The following SPATA6 variants were observed in gnomAD, a reference collection of about 807,000 sequenced individuals.
SPATA6 encodes the protein spermatogenesis-associated protein 6.
Under a neutral mutation model 65.3 loss-of-function variants are expected in SPATA6, and 56 were observed. That is an observed-to-expected ratio of 0.86 (90% confidence interval 0.69 to 1.07). The LOEUF (loss-of-function observed/expected upper bound fraction) is 1.07. SPATA6 is among the 50% of genes least tolerant of loss of function. The probability of loss-of-function intolerance (pLI) is 0.00; values close to 1 mark genes in which losing one functional copy is unlikely to be tolerated. For synonymous variants in SPATA6, 199 were observed against 213.2 expected, an observed-to-expected ratio of 0.93 and a Z score of 0.58; for missense variants, 590 against 594.8, an observed-to-expected ratio of 0.99 and a Z score of 0.08.
chr1:48,290,385 C>T (rs1569941220), downstream of SPATA6, among the ~76,000 whole-genome samples: 1 of 152,190 alleles, frequency 6.6e-6, no homozygotes, highest in East Asian at 1.9e-4. Flanking sequence ...GTACCAGCCA[C>T]TGCAAAAATA....
Position 48,359,748 on chromosome 1 carries a change from C to A in SPATA6, c.932G>T (p.Arg311Ile). The A allele has an allele frequency of 6.2e-7, 1 of 1,612,772 alleles. No individual in the cohort carries two copies. The highest frequency in any genetic ancestry group is 1.7e-4 in the Middle Eastern group (1 of 5,798). Reference sequence around the variant, plus strand: ...TTTTTCTAAAGAGTCATCGAAGTCTCTCCCATGGGGTGTCCTGATAACCTG... The same window carrying A: ...TTTTTCTAAAGAGTCATCGAAGTCTATCCCATGGGGTGTCCTGATAACCTG... ...DYKVIRTPHG[R>I]DFDDSLEKCE... Residue 311 changes from arginine to isoleucine, a missense_variant, in exon 10 of 13, where the codon AGA (arginine) becomes ATA (isoleucine). Arg to Ile is a moderately conservative substitution (Grantham distance 97, BLOSUM62 -3). Transcript: ENST00000371847.
intron 3 of SPATA6, among the ~76,000 whole-genome samples, chr1:48,415,340 T>C (rs745647147): frequency 1.1e-4 from 17 of 152,198 alleles, no homozygotes; most frequent in Admixed American, 2.0e-4. Flanking sequence ...TCTTTTATGA[T>C]AGTTTTGTTA....
At chr1:48,325,249 T>A in intron 11 of SPATA6, 1 of 805,788 alleles carries the variant, frequency 1.2e-6, no homozygotes, top group Non-Finnish European at 2.1e-6. Context: ...GGGCAAGGTT[T>A]GGATATGGCA....
chr1:48,326,904 A>C (rs2148718268), intron 11 of SPATA6, among the ~76,000 whole-genome samples: 1 of 152,324 alleles, frequency 6.6e-6, no homozygotes, highest in African/African-American at 2.4e-5. Context: ...AAAGCCTGGA[A>C]GAAAACCTAG....
chr1:48,415,161 G>A (rs1452763084), intron 3 of SPATA6, among the ~76,000 whole-genome samples: 1 of 151,068 alleles, frequency 6.6e-6, no homozygotes. Context: ...GGGAATGTGA[G>A]GAAAATTACA....
chr1:48,447,820 C>CA (rs1268270973), intron 3 of SPATA6: 1 of 151,360 alleles, frequency 6.6e-6, no homozygotes, highest in Non-Finnish European at 1.5e-5. Context: ...GAAATCAAAC[C>CA]AAAAAAATTA....
chr1:48,316,342 C>T (rs1298369666), intron 11 of SPATA6, among the ~76,000 whole-genome samples: 7 of 152,166 alleles, frequency 4.6e-5, no homozygotes, highest in African/African-American at 7.2e-5. Context: ...GAGATATAGA[C>T]CAATGGAACA....
chr1:48,459,745 A>T lies in SPATA6; in HGVS notation c.52-6614T>A, dbSNP rs951256182. Among the ~76,000 whole-genome samples the T allele has an allele frequency of 2.6e-5, 4 of 152,270 alleles. No homozygotes were observed. In the East Asian group the frequency reaches 5.8e-4, roughly 22 times the overall value. Reference sequence around the variant, plus strand: ...TCTCAATCAACATAAAAGGACATAAATTTTTTTAAAAAATCATGCAGAGTA... The same window carrying T: ...TCTCAATCAACATAAAAGGACATAATTTTTTTTAAAAAATCATGCAGAGTA... On this transcript the variant is annotated intron_variant, in intron 1 of 12. Coordinates refer to ENST00000371847, the MANE Select transcript of SPATA6 (RefSeq NM_019073.4).
At chr1:48,328,463 G>A (rs1645826925) in intron 11 of SPATA6, among the ~76,000 whole-genome samples, 1 of 151,954 alleles carries the variant, frequency 6.6e-6, no homozygotes, top group Non-Finnish European at 1.5e-5. Context: ...CTACAACCTG[G>A]GCAAGCCTTT....
In SPATA6 at chr1:48,359,753, A is replaced by C. The variant is rs553546341; in HGVS notation, c.927T>G (p.His309Gln). The C allele has an allele frequency of 6.2e-7, 1 of 1,612,166 alleles. No individual in the cohort carries two copies. The highest frequency in any genetic ancestry group is 1.1e-5 in the South Asian group (1 of 90,910). Reference protein sequence around the residue: ...PKDYKVIRTPHGRDFDDSLEK... With the variant: ...PKDYKVIRTPQGRDFDDSLEK... Reference sequence around the variant, plus strand: ...CTAAAGAGTCATCGAAGTCTCTCCCATGGGGTGTCCTGATAACCTGTTTTA... The same window carrying C: ...CTAAAGAGTCATCGAAGTCTCTCCCCTGGGGTGTCCTGATAACCTGTTTTA... The change falls in exon 10 of 13, where the codon CAT becomes CAG. Residue 309 changes from histidine to glutamine, a missense_variant. Transcript: ENST00000371847.
downstream of SPATA6, among the ~76,000 whole-genome samples, chr1:48,292,359 C>T (rs1644773503): frequency 6.6e-6 from 1 of 152,216 alleles, no homozygotes; most frequent in Non-Finnish European, 1.5e-5. Context: ...CAACATTTGG[C>T]AACTATGTTG....
intron 11 of SPATA6, among the ~76,000 whole-genome samples, chr1:48,320,243 G>A (rs1418493520): frequency 1.3e-5 from 2 of 152,090 alleles, no homozygotes; most frequent in Non-Finnish European, 2.9e-5. Flanking sequence ...TAAAGATATT[G>A]GTAATCAAGT....
intron 5 of SPATA6, among the ~76,000 whole-genome samples, chr1:48,408,130 T>C (rs1243414396): frequency 6.6e-6 from 1 of 152,220 alleles, no homozygotes; most frequent in African/African-American, 2.4e-5. Flanking sequence ...GAAGCTGCTT[T>C]TTCTTGGAAT....
At chr1:48,330,688 C>G (rs1161114463) in intron 11 of SPATA6, among the ~76,000 whole-genome samples, 2 of 152,224 alleles carry the variant, frequency 1.3e-5, no homozygotes, top group East Asian at 3.9e-4. Flanking sequence ...CTCCTGCTGC[C>G]CTGAAAAAGC....
intron 11 of SPATA6, among the ~76,000 whole-genome samples, chr1:48,346,597 AAAAATAACTTGAGC>A (rs1646372712): frequency 6.6e-6 from 1 of 152,112 alleles, no homozygotes; most frequent in Non-Finnish European, 1.5e-5. Flanking sequence ...TCTTAAGCTG[AAAAATAACTTGAGC>A]AAAATCTCAG....
intron 1 of SPATA6, among the ~76,000 whole-genome samples, chr1:48,454,677 A>G (rs1656867093): frequency 6.6e-6 from 1 of 152,324 alleles, no homozygotes; most frequent in South Asian, 2.1e-4. Context: ...GTATCCAAAG[A>G]TACAGACTTT....
chr1:48,359,575 C>T lies in SPATA6; in HGVS notation c.1094+11G>A. On this transcript the variant is annotated intron_variant, in intron 10 of 12. Transcript: ENST00000371847. The stretch of plus-strand genomic sequence containing the variant: ...AAGATCAGTACAGAAATGAAGACCG[C>T]ACATAATTACCTTTCCCTGAGAGAA... 3 of 1,611,810 alleles carry T rather than the reference C, an allele frequency of 1.9e-6. No individual in the cohort carries two copies. Among genetic ancestry groups the T allele is most frequent in the Non-Finnish European group, 2.5e-6 (3 of 1,178,552 alleles).
At chr1:48,430,365 T>A (rs186328194) in intron 3 of SPATA6, among the ~76,000 whole-genome samples, 18 of 152,100 alleles carry the variant, frequency 1.2e-4, no homozygotes, top group African/African-American at 4.3e-4. Flanking sequence ...TAACAAGAAT[T>A]CTATATCAAG....
intron 8 of SPATA6, among the ~76,000 whole-genome samples, chr1:48,394,484 G>C (rs1475900772): frequency 6.6e-6 from 1 of 151,936 alleles, no homozygotes; most frequent in African/African-American, 2.4e-5. Context: ...GGATATAAAA[G>C]ACCTGTTGAT....
Sources: allele counts gnomAD v4.1 joint callset (sites outside exome capture counted in the v4.1 genomes callset), GRCh38; gene constraint gnomAD v4.1.1; transcripts MANE v1.5; gene names NCBI Gene and HGNC (gene_info 2026-07-23, HGNC 2026-07-21).